The following PHF3 variants were observed in gnomAD, a reference collection of about 807,000 sequenced individuals.
PHF3 encodes the protein PHD finger protein 3.
In PHF3, 41 loss-of-function variants were observed where a neutral mutation model predicts 178.4. The ratio of observed to expected loss-of-function variants is 0.23; its 90% CI spans 0.18 to 0.30. PHF3 has a LOEUF of 0.30. Ranked by LOEUF, PHF3 falls within the 10% of genes least tolerant of loss-of-function variation. The pLI is 1.00. For missense variants in PHF3, 2,346 were observed against 2,398.1 expected (o/e 0.98, Z 0.45); for synonymous variants, 842 against 800.5 (o/e 1.05, Z -0.88).
At chr6:63,674,643 G>A (rs560166449) in intron 2 of PHF3, among the ~76,000 whole-genome samples, 1 of 151,976 alleles carries the variant, frequency 6.6e-6, no homozygotes, top group African/African-American at 2.4e-5. Flanking sequence ...AAGGTGTAGG[G>A]GCTCTGTTAA....
intron 3 of PHF3, among the ~76,000 whole-genome samples, chr6:63,682,786 T>G (rs1766495175): frequency 6.6e-6 from 1 of 152,130 alleles, no homozygotes; most frequent in Non-Finnish European, 1.5e-5. Context: ...CCACTTTTTA[T>G]CTGAAAATCC....
In PHF3 at chr6:63,702,560, C is replaced by T. The variant is rs1300099337; in HGVS notation, c.3152C>T (p.Thr1051Ile). 1 of 1,612,634 alleles carries T rather than the reference C, an allele frequency of 6.2e-7. No individual in the cohort carries two copies. The change falls in exon 10 of 16, where the codon ACC becomes ATC. Residue 1051 changes from threonine to isoleucine, a missense_variant. Transcript: ENST00000262043. The part of the protein sequence containing the change: ...EQREVERRPI[T>I]KITHKGEIEI... Reference sequence around the variant, plus strand: ...AGAGAAGTGGAACGACGGCCAATCACCAAAATAACTCATAAAGGTGAAATA... The same window carrying T: ...AGAGAAGTGGAACGACGGCCAATCATCAAAATAACTCATAAAGGTGAAATA...
chr6:63,697,412 A>AT (rs1767280016), intron 6 of PHF3, among the ~76,000 whole-genome samples: 1 of 152,332 alleles, frequency 6.6e-6, no homozygotes, highest in Non-Finnish European at 1.5e-5. Context: ...GGGAGAGCAA[A>AT]TTTATTAGGA....
chr6:63,694,772 G>T lies in PHF3; in HGVS notation c.2680+8G>T, dbSNP rs892651279. 3 of 1,426,406 alleles carry T rather than the reference G, an allele frequency of 2.1e-6. No individual in the cohort carries two copies. The African/African-American group carries it at 4.4e-5, about 21-fold the overall frequency. The allele number at this position is 1,426,406 out of a possible 1,614,324, so 88.4% of individuals were successfully genotyped here. ...AAAAAGCTTCAAAACCAGGTAGTGA[G>T]ATGAACAGAAAAAATTATATACTAA... is the stretch of plus-strand genomic sequence containing the variant. On this transcript the variant is annotated splice_region_variant and intron_variant, in intron 6 of 15. Transcript: ENST00000262043.
intron 2 of PHF3, among the ~76,000 whole-genome samples, chr6:63,649,026 GA>G (rs1285906758): frequency 6.6e-6 from 1 of 151,032 alleles, no homozygotes; most frequent in African/African-American, 2.4e-5. Context: ...AAACATTTTT[GA>G]AAAAAAATTT....
At chr6:63,655,842 T>C (rs1262621396) in intron 2 of PHF3, among the ~76,000 whole-genome samples, 1 of 151,924 alleles carries the variant, frequency 6.6e-6, no homozygotes, top group Non-Finnish European at 1.5e-5. Context: ...GGGGTTTTGC[T>C]ATGTTGCCCA....
intron 13 of PHF3, 79 bp downstream of exon 13, chr6:63,706,955 A>G (rs999259281): frequency 8.3e-7 from 1 of 1,202,368 alleles, no homozygotes; most frequent in Non-Finnish European, 1.2e-6. Context: ...GAAATAAGAC[A>G]GAGTTAGTAA....
intron 9 of PHF3, among the ~76,000 whole-genome samples, chr6:63,700,724 C>T (rs923518615): frequency 1.1e-4 from 17 of 152,304 alleles, no homozygotes; most frequent in East Asian, 3.9e-4. Flanking sequence ...GCTGGGATTA[C>T]AGGCACGTGC....
chr6:63,647,401 A>G (rs1175536322), intron 2 of PHF3, among the ~76,000 whole-genome samples: 1 of 152,202 alleles, frequency 6.6e-6, no homozygotes, highest in African/African-American at 2.4e-5. Flanking sequence ...GTCTGGTCCT[A>G]ATTGAGATGT....
At chr6:63,665,486 G>GTTTTTTTTT (rs11427203) in intron 2 of PHF3, among the ~76,000 whole-genome samples, 5 of 111,218 alleles carry the variant, frequency 4.5e-5, no homozygotes, top group African/African-American at 7.1e-5. Context: ...GTTTTTTTTT[G>GTTTTTTTTT]TTTTTTTTTT....
At chr6:63,710,162 G>GA (rs1170289833) in intron 14 of PHF3, among the ~76,000 whole-genome samples, 3 of 152,084 alleles carry the variant, frequency 2.0e-5, no homozygotes, top group Admixed American at 6.6e-5. Context: ...TAGATTTTTA[G>GA]AATTTAAATT....
chr6:63,664,519 T>C (rs1765598248), intron 2 of PHF3, among the ~76,000 whole-genome samples: 1 of 152,216 alleles, frequency 6.6e-6, no homozygotes, highest in African/African-American at 2.4e-5. Flanking sequence ...TTTTTACGTG[T>C]ATTTATATTA....
rs757145087 is a variant in PHF3 at position 63,713,371 on chromosome 6, A to T, written c.5783A>T (p.His1928Leu). The T allele has an allele frequency of 6.2e-7, 1 of 1,614,070 alleles. No individual in the cohort carries two copies. The highest frequency in any genetic ancestry group is 8.5e-7 in the Non-Finnish European group (1 of 1,179,972). ...GDRQRFYSDSHHLKRERHEKE... is the reference protein window; with the variant it reads ...GDRQRFYSDSLHLKRERHEKE... ...CGCCAGAGATTTTATAGTGATTCAC[A>T]CCATTTGAAAAGAGAGCGACATGAA... is the stretch of plus-strand genomic sequence containing the variant. Residue 1928 changes from histidine to leucine, a missense_variant, in exon 16 of 16, where the codon CAC (histidine) becomes CTC (leucine). Transcript: ENST00000262043.
intron 2 of PHF3, among the ~76,000 whole-genome samples, chr6:63,669,110 A>G (rs1765801591): frequency 6.6e-6 from 1 of 152,222 alleles, no homozygotes. Flanking sequence ...TGTCAAATAA[A>G]TGACCTTGAT....
intron 8 of PHF3, among the ~76,000 whole-genome samples, chr6:63,699,286 C>T (rs1175414908): frequency 6.6e-6 from 1 of 152,158 alleles, no homozygotes; most frequent in African/African-American, 2.4e-5. Flanking sequence ...AGGTTCAGAA[C>T]ATGACTGATC....
At chr6:63,690,413 T>G (rs150179237) in intron 4 of PHF3, among the ~76,000 whole-genome samples, 51 of 152,276 alleles carry the variant, frequency 3.3e-4, no homozygotes, top group Non-Finnish European at 6.8e-4. Context: ...GAAAAGGAAG[T>G]GCTGTTATTG....
At chr6:63,654,410 A>G (rs1765144606) in intron 2 of PHF3, among the ~76,000 whole-genome samples, 1 of 152,254 alleles carries the variant, frequency 6.6e-6, no homozygotes, top group African/African-American at 2.4e-5. Context: ...GAACCTTGTA[A>G]GCACATACAT....
intron 1 of PHF3, among the ~76,000 whole-genome samples, chr6:63,637,711 T>G (rs539768690): frequency 6.6e-6 from 1 of 152,206 alleles, no homozygotes; most frequent in Non-Finnish European, 1.5e-5. Context: ...TAGCAGAGTT[T>G]AGTGGCAGAC....
At chr6:63,667,328 AAATT>A (rs1186710663) in intron 2 of PHF3, among the ~76,000 whole-genome samples, 1 of 152,222 alleles carries the variant, frequency 6.6e-6, no homozygotes, top group Non-Finnish European at 1.5e-5. Context: ...AGCTTTAAAA[AAATT>A]TTTAATTTAA....
Sources: allele counts gnomAD v4.1 joint callset (sites outside exome capture counted in the v4.1 genomes callset), GRCh38; gene constraint gnomAD v4.1.1; transcripts MANE v1.5; gene names NCBI Gene and HGNC (gene_info 2026-07-23, HGNC 2026-07-21).